The following ALK variants were observed in gnomAD, a reference collection of about 807,000 sequenced individuals.
ALK encodes ALK receptor tyrosine kinase.
A neutral mutation model predicts 163.1 loss-of-function variants in ALK; 74 were observed. The ratio of observed to expected loss-of-function variants is 0.45; its 90% CI spans 0.38 to 0.55. The LOEUF (loss-of-function observed/expected upper bound fraction) is 0.55. ALK is among the 20% of genes least tolerant of loss of function. ALK has a pLI of 0.00. For synonymous variants in ALK, 960 were observed against 843.2 expected (o/e 1.14, Z -2.40); for missense variants, 2,063 against 2,105.3 (o/e 0.98, Z 0.39).
intron 3 of ALK, among the ~76,000 whole-genome samples, chr2:29,649,343 C>A (rs4666266): frequency 0.64 from 96,401 of 151,810 alleles, 31,286 homozygotes; most frequent in East Asian, 0.74. Flanking sequence ...CACCACCGAC[C>A]TTTGTTTTAA....
chr2:29,212,063 C>G (rs1419787956), intron 24 of ALK, among the ~76,000 whole-genome samples: 1 of 152,176 alleles, frequency 6.6e-6, no homozygotes, highest in Non-Finnish European at 1.5e-5. Context: ...GAAATGATCC[C>G]TCAGCCAGAG....
chr2:29,637,709 CAAAA>C (rs70958274), intron 3 of ALK, among the ~76,000 whole-genome samples: 1 of 112,400 alleles, frequency 8.9e-6, no homozygotes, highest in African/African-American at 4.3e-5. Context: ...ACTCCGTCTC[CAAAA>C]AAAAAAAAAG....
chr2:29,213,796 C>G (rs1417271992), intron 24 of ALK, among the ~76,000 whole-genome samples, 188 bp downstream of exon 24: 2 of 152,088 alleles, frequency 1.3e-5, no homozygotes, highest in Non-Finnish European at 2.9e-5. Context: ...CCAGCCTGGG[C>G]AACAAAGTGA....
At chr2:29,918,217 T>A (rs1374351666) in intron 1 of ALK, among the ~76,000 whole-genome samples, 1 of 152,218 alleles carries the variant, frequency 6.6e-6, no homozygotes, top group Non-Finnish European at 1.5e-5. Context: ...GTCACCAACA[T>A]CTGACAACAG....
At chr2:29,456,042 CA>C (rs1184555479) in intron 4 of ALK, among the ~76,000 whole-genome samples, 1 of 152,124 alleles carries the variant, frequency 6.6e-6, no homozygotes, top group African/African-American at 2.4e-5. Flanking sequence ...TAAACAACAA[CA>C]ACAATGTCCA....
chr2:29,193,677 G>T lies in ALK; in HGVS notation c.4410C>A (p.Ala1470=). ...CCATATTCACGTGTCCCCCTTCCACGGCCGGCCCTCTAGGGACTCGAACAG... is the reference window on the plus strand; with the variant it reads ...CCATATTCACGTGTCCCCCTTCCACTGCCGGCCCTCTAGGGACTCGAACAG... ...EISVRVPRGP[A]VEGGHVNMAF... The change falls in exon 29 of 29, where the codon GCC becomes GCA. Residue 1470 remains alanine, a synonymous_variant. Transcript: ENST00000389048. 1 of 1,614,040 alleles carries T rather than the reference G, an allele frequency of 6.2e-7. No homozygotes were observed. Among genetic ancestry groups the T allele is most frequent in the Non-Finnish European group, 8.5e-7 (1 of 1,179,880 alleles).
At chr2:29,644,095 G>T (rs1224770367) in intron 3 of ALK, among the ~76,000 whole-genome samples, 1 of 152,074 alleles carries the variant, frequency 6.6e-6, no homozygotes, top group Non-Finnish European at 1.5e-5. Context: ...CACGTCCTTT[G>T]TAGGGACATG....
intron 1 of ALK, among the ~76,000 whole-genome samples, chr2:29,897,522 G>A (rs1667301951): frequency 6.6e-6 from 1 of 152,052 alleles, no homozygotes; most frequent in South Asian, 2.1e-4. Context: ...TGGGGTGGGG[G>A]CCCCAGGGAG....
chr2:29,235,124 G>A (rs13391376), intron 13 of ALK, among the ~76,000 whole-genome samples: 3,245 of 152,316 alleles, frequency 0.021, 107 homozygotes, highest in African/African-American at 0.073. Flanking sequence ...CAGAATCCTG[G>A]AATCCCTGAA....
At chr2:29,676,115 A>G (rs1201049671) in intron 3 of ALK, among the ~76,000 whole-genome samples, 3 of 152,034 alleles carry the variant, frequency 2.0e-5, no homozygotes, top group Admixed American at 2.0e-4. Context: ...TATGCAATGT[A>G]TGATTCACAA....
intron 1 of ALK, among the ~76,000 whole-genome samples, chr2:29,816,087 CATT>C (rs1319150170): frequency 6.6e-6 from 1 of 152,228 alleles, no homozygotes; most frequent in Non-Finnish European, 1.5e-5. Context: ...CACAAGTACA[CATT>C]ATGAATCTGC....
chr2:29,431,828 G>C (rs1670279248), intron 4 of ALK, among the ~76,000 whole-genome samples: 1 of 152,006 alleles, frequency 6.6e-6, no homozygotes, highest in Admixed American at 6.6e-5. Flanking sequence ...TAGGATTGAG[G>C]GCCTACTAGG....
intron 3 of ALK, among the ~76,000 whole-genome samples, chr2:29,649,265 T>C (rs1676973506): frequency 6.6e-6 from 1 of 151,922 alleles, no homozygotes; most frequent in Non-Finnish European, 1.5e-5. Flanking sequence ...TGTGTGTGTG[T>C]GTGACAGAGT....
At chr2:29,194,669 C>A (rs1419406127) in intron 28 of ALK, among the ~76,000 whole-genome samples, 5 of 133,122 alleles carry the variant, frequency 3.8e-5, no homozygotes, top group African/African-American at 1.4e-4. Flanking sequence ...CCCACCCCCC[C>A]ACCCCCGCTA....
intron 1 of ALK, among the ~76,000 whole-genome samples, chr2:29,788,483 T>C (rs958016163): frequency 7.9e-5 from 12 of 152,156 alleles, no homozygotes; most frequent in African/African-American, 2.4e-4. Context: ...CTCCCGGGTC[T>C]GGGAGAAATT....
intron 3 of ALK, among the ~76,000 whole-genome samples, chr2:29,677,399 T>C (rs1018383777): frequency 5.3e-5 from 8 of 151,970 alleles, no homozygotes; most frequent in Non-Finnish European, 1.2e-4. Flanking sequence ...CATTATTATG[T>C]TGTTTGTTAG....
At chr2:29,498,232 T>A (rs1485021346) in intron 4 of ALK, among the ~76,000 whole-genome samples, 1 of 151,998 alleles carries the variant, frequency 6.6e-6, no homozygotes, top group Non-Finnish European at 1.5e-5. Flanking sequence ...CCTAAAAAAT[T>A]GAAAGGGAGG....
At chr2:29,715,566 C>G (rs1036190176) in intron 2 of ALK, among the ~76,000 whole-genome samples, 1 of 152,286 alleles carries the variant, frequency 6.6e-6, no homozygotes, top group Admixed American at 6.5e-5. Context: ...GACCTGCAAC[C>G]TCTTATAAGA....
chr2:29,325,140 A>T, intron 6 of ALK, among the ~76,000 whole-genome samples: 1 of 152,158 alleles, frequency 6.6e-6, no homozygotes, highest in Non-Finnish European at 1.5e-5. Context: ...AATTCCAACC[A>T]TGGCAGGGTT....
Sources: gnomAD v4.1 joint callset for allele counts (sites outside exome capture counted in the v4.1 genomes callset) on GRCh38, gnomAD v4.1.1 for gene constraint, MANE v1.5 for transcripts, NCBI Gene and HGNC (gene_info 2026-07-23, HGNC 2026-07-21) for gene names.